Variants in KCNB2 observed in about 807,000 individuals in gnomAD.
KCNB2 encodes the protein potassium voltage-gated channel subfamily B member 2.
In KCNB2, 15 loss-of-function variants were observed where a neutral mutation model predicts 61.5. The observed-to-expected ratio is 0.24, with a 90% CI of 0.16 to 0.38. The LOEUF (loss-of-function observed/expected upper bound fraction) is 0.38. Among genes scored for constraint, KCNB2 ranks in the 10% least tolerant of loss-of-function variants. The pLI is 1.00. For synonymous variants in KCNB2, 457 were observed against 446.0 expected (o/e 1.02, Z -0.31); for missense variants, 828 against 1,125.2 (o/e 0.74, Z 3.78).
intron 1 of KCNB2, among the ~76,000 whole-genome samples, chr8:72,541,782 G>A (rs1008329591): frequency 6.6e-6 from 1 of 152,028 alleles, no homozygotes; most frequent in African/African-American, 2.4e-5. Context: ...AGAAAATGAG[G>A]CTGGCTGATG....
chr8:72,845,019 T>C (rs1809961450), intron 2 of KCNB2, among the ~76,000 whole-genome samples: 1 of 152,192 alleles, frequency 6.6e-6, no homozygotes, highest in Non-Finnish European at 1.5e-5. Context: ...AAAAGAGGTG[T>C]TCTGTTTTTT....
At chr8:72,836,217 A>C (rs938952773) in intron 2 of KCNB2, among the ~76,000 whole-genome samples, 3 of 152,346 alleles carry the variant, frequency 2.0e-5, no homozygotes, top group African/African-American at 7.2e-5. Flanking sequence ...AAGTGTTCCC[A>C]TCACAGCTAT....
intron 2 of KCNB2, among the ~76,000 whole-genome samples, chr8:72,858,169 C>T (rs1810236974): frequency 6.6e-6 from 1 of 152,114 alleles, no homozygotes; most frequent in Admixed American, 6.6e-5. Context: ...TATTTCAGTA[C>T]TTTGAACTAG....
intron 2 of KCNB2, among the ~76,000 whole-genome samples, chr8:72,824,695 C>T (rs748051910): frequency 1.3e-5 from 2 of 152,122 alleles, no homozygotes; most frequent in Non-Finnish European, 2.9e-5. Context: ...TTAATGATGT[C>T]CCAGTTGCAG....
At chr8:72,883,019 C>T (rs1033584022) in intron 2 of KCNB2, among the ~76,000 whole-genome samples, 3 of 152,080 alleles carry the variant, frequency 2.0e-5, no homozygotes, top group African/African-American at 7.2e-5. Context: ...CTACACCTGC[C>T]CATGTCTGGA....
chr8:72,900,873 G>A (rs184256980), intron 2 of KCNB2, among the ~76,000 whole-genome samples: 8 of 152,202 alleles, frequency 5.3e-5, no homozygotes, highest in South Asian at 4.2e-4. Flanking sequence ...AGAGAAAAAG[G>A]AACACTTATA....
Position 72,840,263 on chromosome 8 carries a change from G to T in KCNB2, c.580-95672G>T, listed in dbSNP as rs112077974. Among the ~76,000 whole-genome samples, 445 of 152,274 alleles carry T rather than the reference G, an allele frequency of 2.9e-3. 4 individuals carry two copies. Among genetic ancestry groups the T allele is most frequent in the African/African-American group, 7.8e-3 (324 of 41,552 alleles). On this transcript the variant is annotated intron_variant, in intron 2 of 2. Transcript: ENST00000523207. ...ACTCATCCTTTTTTGTGGTTGCATA[G>T]TATTCCATGGTGTATATGTGCCACA...
At chr8:72,857,460 C>T (rs187597774) in intron 2 of KCNB2, among the ~76,000 whole-genome samples, 4 of 152,206 alleles carry the variant, frequency 2.6e-5, no homozygotes, top group African/African-American at 7.2e-5. Context: ...CAGGGTAGAA[C>T]TTAAGGACTA....
At chr8:72,597,332 C>G (rs999882877) in intron 2 of KCNB2, among the ~76,000 whole-genome samples, 9 of 152,102 alleles carry the variant, frequency 5.9e-5, no homozygotes, top group Non-Finnish European at 1.5e-5. Context: ...CCACGCCTGG[C>G]CCATGTTTTC....
chr8:72,554,198 A>T (rs1295559105), intron 1 of KCNB2, among the ~76,000 whole-genome samples: 1 of 152,114 alleles, frequency 6.6e-6, no homozygotes, highest in Non-Finnish European at 1.5e-5. Flanking sequence ...CTTTGCGGTG[A>T]TCCTGTGGGT....
chr8:72,687,930 G>C (rs1806877925), intron 2 of KCNB2, among the ~76,000 whole-genome samples: 1 of 152,198 alleles, frequency 6.6e-6, no homozygotes, highest in Admixed American at 6.5e-5. Context: ...ACATGGGGCA[G>C]CTGGAGAAGT....
intron 2 of KCNB2, among the ~76,000 whole-genome samples, chr8:72,837,524 C>A (rs1258855615): frequency 6.6e-6 from 1 of 152,228 alleles, no homozygotes; most frequent in Non-Finnish European, 1.5e-5. Flanking sequence ...GATTACTTCT[C>A]AATCTTCTCT....
chr8:72,631,793 C>T (rs565562082), intron 2 of KCNB2, among the ~76,000 whole-genome samples: 1 of 152,172 alleles, frequency 6.6e-6, no homozygotes, highest in Non-Finnish European at 1.5e-5. Flanking sequence ...GAGTTGATTT[C>T]CATGTTATTC....
intron 2 of KCNB2, among the ~76,000 whole-genome samples, chr8:72,905,619 C>A (rs1806164682): frequency 6.6e-6 from 1 of 152,124 alleles, no homozygotes; most frequent in East Asian, 1.9e-4. Flanking sequence ...GCATTTGTTT[C>A]TGATAGTCGG....
intron 2 of KCNB2, among the ~76,000 whole-genome samples, chr8:72,784,040 C>T (rs1465187576): frequency 6.6e-6 from 1 of 152,050 alleles, no homozygotes; most frequent in Non-Finnish European, 1.5e-5. Flanking sequence ...TATCATGCTC[C>T]CTGCAATCTC....
At chr8:72,927,477 G>A (rs1806674749) in intron 2 of KCNB2, among the ~76,000 whole-genome samples, 1 of 152,050 alleles carries the variant, frequency 6.6e-6, no homozygotes, top group Admixed American at 6.5e-5. Flanking sequence ...CACTGTGTTG[G>A]TCAGGCTGGT....
chr8:72,636,316 G>A (rs991659685), intron 2 of KCNB2, among the ~76,000 whole-genome samples: 6 of 152,054 alleles, frequency 3.9e-5, no homozygotes, highest in Admixed American at 1.3e-4. Context: ...ACTTATTATA[G>A]CAAATATGTT....
At chr8:72,857,826 C>T (rs1406903979) in intron 2 of KCNB2, among the ~76,000 whole-genome samples, 1 of 152,188 alleles carries the variant, frequency 6.6e-6, no homozygotes, top group Non-Finnish European at 1.5e-5. Context: ...TTATTTCATT[C>T]TCCCGACAAT....
intron 1 of KCNB2, among the ~76,000 whole-genome samples, chr8:72,542,936 G>A (rs1223046303): frequency 6.6e-6 from 1 of 152,158 alleles, no homozygotes; most frequent in Non-Finnish European, 1.5e-5. Context: ...TACATTTGTA[G>A]AGAAATAAAT....
Sources: allele counts gnomAD v4.1 joint callset (sites outside exome capture counted in the v4.1 genomes callset), GRCh38; gene constraint gnomAD v4.1.1; transcripts MANE v1.5; gene names NCBI Gene and HGNC (gene_info 2026-07-23, HGNC 2026-07-21).